Variants in INPP4A observed in about 807,000 individuals in gnomAD.
The protein encoded by INPP4A is inositol polyphosphate-4-phosphatase type I A.
INPP4A carries 33 observed loss-of-function variants against 119.8 expected under a neutral mutation model. That is an observed-to-expected ratio of 0.28 (90% confidence interval 0.21 to 0.37). The LOEUF (loss-of-function observed/expected upper bound fraction) is 0.37. INPP4A is among the 10% of genes least tolerant of loss of function. INPP4A has a pLI of 1.00. For synonymous variants in INPP4A, 496 were observed against 500.7 expected (o/e 0.99, Z 0.12); for missense variants, 956 against 1,289.9 (o/e 0.74, Z 3.97).
chr2:98,538,184 G>A (rs780575404), intron 8 of INPP4A, among the ~76,000 whole-genome samples: 9 of 152,206 alleles, frequency 5.9e-5, no homozygotes, highest in Middle Eastern at 3.2e-3. Context: ...CCCTGGAGCC[G>A]GCTTCTGTTC....
At chr2:98,535,996 T>C (rs925132873) in intron 6 of INPP4A, 133 bp from the exon 7 acceptor site, 83 of 718,904 alleles carry the variant, frequency 1.2e-4, no homozygotes, top group Non-Finnish European at 1.9e-4. Flanking sequence ...TTGTTAAGCT[T>C]TCCCATTGGG....
At chr2:98,579,428 C>A (rs1345790979) in intron 24 of INPP4A, among the ~76,000 whole-genome samples, 1 of 152,232 alleles carries the variant, frequency 6.6e-6, no homozygotes, top group Admixed American at 6.5e-5. Flanking sequence ...GCATTTTAAT[C>A]AAAGGTGCAG....
intron 4 of INPP4A, 67 bp from the exon 5 acceptor site, chr2:98,533,306 GTGTT>G: frequency 1.1e-6 from 1 of 897,182 alleles, no homozygotes; most frequent in South Asian, 1.4e-5. Context: ...TTCTTTGAAT[GTGTT>G]TGGAACAGAA....
At chr2:98,535,130 G>A (rs1006718143) in intron 5 of INPP4A, among the ~76,000 whole-genome samples, 1 of 152,136 alleles carries the variant, frequency 6.6e-6, no homozygotes, top group South Asian at 2.1e-4. Flanking sequence ...GAGAGAGTAT[G>A]GTATTACGGG....
At chr2:98,525,353 A>G (rs1445883832) in intron 4 of INPP4A, among the ~76,000 whole-genome samples, 1 of 152,156 alleles carries the variant, frequency 6.6e-6, no homozygotes, top group Non-Finnish European at 1.5e-5. Flanking sequence ...TCTATTTTTA[A>G]GGGCTCCTGT....
At chr2:98,513,897 T>A (rs78316209) in intron 1 of INPP4A, among the ~76,000 whole-genome samples, 160 of 152,302 alleles carry the variant, frequency 1.1e-3, no homozygotes, top group African/African-American at 3.8e-3. Context: ...AAAGTCCTCC[T>A]AGGTGCCCGT....
intron 1 of INPP4A, among the ~76,000 whole-genome samples, chr2:98,472,406 G>C (rs747309887): frequency 2.0e-5 from 3 of 152,224 alleles, no homozygotes; most frequent in Non-Finnish European, 4.4e-5. Flanking sequence ...CCTGGATGGA[G>C]ATAGGGTGAA....
intron 1 of INPP4A, among the ~76,000 whole-genome samples, chr2:98,462,499 T>C (rs1370613660): frequency 6.6e-6 from 1 of 152,016 alleles, no homozygotes; most frequent in Non-Finnish European, 1.5e-5. Flanking sequence ...ACCTTCTAGT[T>C]ACACACAGAC....
intron 1 of INPP4A, among the ~76,000 whole-genome samples, chr2:98,460,693 C>T (rs1696993821): frequency 6.6e-6 from 1 of 152,138 alleles, no homozygotes; most frequent in Non-Finnish European, 1.5e-5. Flanking sequence ...GTTGGCTTTA[C>T]AGTTGTGGAT....
intron 1 of INPP4A, among the ~76,000 whole-genome samples, chr2:98,463,102 A>G (rs1262417442): frequency 6.6e-6 from 1 of 152,148 alleles, no homozygotes; most frequent in Admixed American, 6.5e-5. Context: ...TCGGCCTCCG[A>G]AAGTGCTGGG....
rs1486645263 is a variant in INPP4A, at chr2:98,554,651, G to C, written c.1566+162G>C. Among the ~76,000 whole-genome samples, 2 of 152,230 alleles carry C rather than the reference G, an allele frequency of 1.3e-5. No homozygotes were observed. Among genetic ancestry groups the C allele is most frequent in the Non-Finnish European group, 1.5e-5 (1 of 68,038 alleles). On this transcript the variant is annotated intron_variant, in intron 15 of 24. Coordinates refer to ENST00000409851, the MANE Select transcript of INPP4A (RefSeq NM_001134225.2). This position sits in a 1 kb window ranked among gnomAD's most constrained non-coding sequence, Gnocchi z 4.7. ...GGCTCCTTGGCTCCTGATGCAGGGA[G>C]GGAGGAGACTGTTTTCAAACCCTTG... is the stretch of plus-strand genomic sequence containing the variant.
At chr2:98,537,788 G>T in intron 7 of INPP4A, 75 bp from the exon 8 acceptor site, 2 of 1,155,826 alleles carry the variant, frequency 1.7e-6, no homozygotes, top group Non-Finnish European at 2.5e-6. Flanking sequence ...GACCCAGTAC[G>T]GCTAGGGCTT....
intron 1 of INPP4A, among the ~76,000 whole-genome samples, chr2:98,506,577 G>A (rs1001715668): frequency 6.6e-6 from 1 of 152,246 alleles, no homozygotes; most frequent in Non-Finnish European, 1.5e-5. Flanking sequence ...ACCAGATGAG[G>A]CAGGTGAGCG....
chr2:98,543,641 G>A lies in INPP4A; in HGVS notation c.819-236G>A, dbSNP rs114402836. Among the ~76,000 whole-genome samples the A allele has an allele frequency of 1.4e-3, 214 of 152,230 alleles. 1 individual carries two copies. The highest frequency in any genetic ancestry group is 5.0e-3 in the African/African-American group (208 of 41,530). ...CCCTTGAACATTAGACTAAATTCCC[G>A]TGAAAAGCTACTCTGGACACACTGC... is the stretch of plus-strand genomic sequence containing the variant. On this transcript the variant is annotated intron_variant, in intron 10 of 24. Coordinates refer to ENST00000409851, the MANE Select transcript of INPP4A (RefSeq NM_001134225.2).
At chr2:98,495,747 A>T (rs1054061656) in intron 1 of INPP4A, among the ~76,000 whole-genome samples, 2 of 152,146 alleles carry the variant, frequency 1.3e-5, no homozygotes, top group Non-Finnish European at 2.9e-5. Context: ...GGTTGTGGAG[A>T]CCAGGGTTTT....
intron 1 of INPP4A, among the ~76,000 whole-genome samples, chr2:98,455,805 T>A: frequency 6.6e-6 from 1 of 152,204 alleles, no homozygotes; most frequent in East Asian, 1.9e-4. Flanking sequence ...CCCTCTGCAG[T>A]GATTCAGCAG....
chr2:98,546,803 T>C lies in INPP4A; in HGVS notation c.1163+109T>C. Reference sequence around the variant, plus strand: ...CGCAAAAACACCCAGCCATCTGATCTGCTTTTGCGTGGCAGGAGGATCTGC... The same window carrying C: ...CGCAAAAACACCCAGCCATCTGATCCGCTTTTGCGTGGCAGGAGGATCTGC... On this transcript the variant is annotated intron_variant, in intron 13 of 24. Coordinates refer to ENST00000409851, the MANE Select transcript of INPP4A (RefSeq NM_001134225.2). The surrounding 1 kb of genome is among the most constrained non-coding windows in gnomAD (Gnocchi z 4.2). 1.4e-6 allele frequency: 1 copy of C among 705,408 alleles called. No homozygotes were observed. The highest frequency in any genetic ancestry group is 2.5e-6 in the Non-Finnish European group (1 of 396,042). The allele number at this position is 705,408 out of a possible 1,614,324, so 43.7% of individuals were successfully genotyped here. A position where few individuals can be genotyped will look rare whatever the true frequency, so the allele number is the denominator to read the frequency against.
At chr2:98,477,304 G>A (rs1002886720) in intron 1 of INPP4A, among the ~76,000 whole-genome samples, 1 of 152,232 alleles carries the variant, frequency 6.6e-6, no homozygotes, top group Admixed American at 6.5e-5. Flanking sequence ...TCCCTGAGCT[G>A]CCTGCTTCAG....
At chr2:98,517,636 T>G (rs1156727892) in intron 1 of INPP4A, among the ~76,000 whole-genome samples, 2 of 152,234 alleles carry the variant, frequency 1.3e-5, no homozygotes, top group African/African-American at 4.8e-5. Flanking sequence ...TTGGCTTTAT[T>G]ATGATCATTT....
Sources: allele counts gnomAD v4.1 joint callset (sites outside exome capture counted in the v4.1 genomes callset), GRCh38; gene constraint gnomAD v4.1.1; non-coding constraint Gnocchi (gnomAD v3.1); transcripts MANE v1.5; gene names NCBI Gene and HGNC (gene_info 2026-07-23, HGNC 2026-07-21).